SMARCD3: variants seen among roughly 807,000 people sequenced by gnomAD.
SMARCD3 encodes the protein SWI/SNF related BAF chromatin remodeling complex subunit D3.
Under a neutral mutation model 58.0 loss-of-function variants are expected in SMARCD3, and 14 were observed. The ratio of observed to expected loss-of-function variants is 0.24; its 90% confidence interval spans 0.16 to 0.38. SMARCD3 has a LOEUF of 0.38. Ranked by LOEUF, SMARCD3 falls within the 10% of genes least tolerant of loss-of-function variation. The pLI is 1.00. For missense variants in SMARCD3, 408 were observed against 636.9 expected (o/e 0.64, Z 3.87); for synonymous variants, 253 against 253.8 (o/e 1.00, Z 0.03).
chr7:151,261,502 T>TC (rs1035340680), intron 2 of SMARCD3, among the ~76,000 whole-genome samples: 1 of 152,024 alleles, frequency 6.6e-6, no homozygotes, highest in African/African-American at 2.4e-5. Flanking sequence ...AAACTGGGGG[T>TC]CCCTCACGTG....
At position 151,242,023 on chromosome 7, in the gene SMARCD3, G is replaced by C. The variant is rs762669812; in HGVS notation, c.676-45C>G. ...TGTGTCTCCCAAAGGCCCATCTGGA[G>C]TGGTGGGGCCCAGGACTCTAGGGTG... On this transcript the variant is annotated intron_variant, in intron 6 of 12. Coordinates refer to ENST00000262188, the MANE Select transcript of SMARCD3 (RefSeq NM_001003801.2). The surrounding 1 kb of genome is among the most constrained non-coding windows in gnomAD (Gnocchi z 4.7). 11 of 1,568,388 alleles carry C rather than the reference G, an allele frequency of 7.0e-6. No homozygotes were observed. Among genetic ancestry groups the C allele is most frequent in the Non-Finnish European group, 8.8e-6 (10 of 1,140,128 alleles).
chr7:151,272,844 T>C (rs1795222980), intron 2 of SMARCD3, among the ~76,000 whole-genome samples: 1 of 152,172 alleles, frequency 6.6e-6, no homozygotes, highest in African/African-American at 2.4e-5. Context: ...GGCGGTGGCC[T>C]CAGCTTGGCC....
At chr7:151,275,189 GC>G in exon 2 of SMARCD3, 1 of 1,595,700 alleles carries the variant, frequency 6.3e-7, no homozygotes, top group Non-Finnish European at 8.6e-7. Context: ...GTCATCCAGT[GC>G]CCCCTCGGTG....
Position 151,245,380 on chromosome 7 carries a change from C to T in SMARCD3, c.290+80G>A. ...ATTCTTCCTCGCCCCTTCCAATCCC[C>T]GCTACTCGCTTACCTGGTCCCTGCG... is the stretch of plus-strand genomic sequence containing the variant. On this transcript the variant is annotated intron_variant, in intron 2 of 12. Transcript: ENST00000262188. The surrounding 1 kb of genome is among the most constrained non-coding windows in gnomAD (Gnocchi z 6.2). The T allele has an allele frequency of 1.9e-6, 1 of 521,656 alleles. No individual in the cohort carries two copies. The highest frequency in any genetic ancestry group is 2.9e-6 in the Non-Finnish European group (1 of 343,508). The allele number at this position is 521,656 out of a possible 1,614,324, so 32.3% of individuals were successfully genotyped here.
chr7:151,242,656 C>T lies in SMARCD3; in HGVS notation c.457-53G>A, dbSNP rs964183761. 1.9e-6 allele frequency: 3 copies of T among 1,612,412 alleles called. No homozygotes were observed. The Admixed American group carries it at 5.0e-5, about 27-fold the overall frequency. On this transcript the variant is annotated intron_variant, in intron 4 of 12. Coordinates refer to ENST00000262188, the MANE Select transcript of SMARCD3 (RefSeq NM_001003801.2). The surrounding 1 kb of genome is among the most constrained non-coding windows in gnomAD (Gnocchi z 4.7). Reference sequence around the variant, plus strand: ...GAATGCTGTGTGCTCCCACCCCGACCACCCTGCTTCCCCATCCTGGTCACA... The same window carrying T: ...GAATGCTGTGTGCTCCCACCCCGACTACCCTGCTTCCCCATCCTGGTCACA...
intron 2 of SMARCD3, among the ~76,000 whole-genome samples, chr7:151,262,691 C>T (rs1803955447): frequency 6.6e-6 from 1 of 152,166 alleles, no homozygotes; most frequent in Non-Finnish European, 1.5e-5. Flanking sequence ...GGAGGAGGGG[C>T]CCCTAACAGG....
intron 2 of SMARCD3, chr7:151,275,060 G>A (rs996744212): frequency 2.0e-5 from 31 of 1,536,234 alleles, no homozygotes; most frequent in African/African-American, 1.1e-4. Context: ...TGGCCGACTC[G>A]CCATGGGGCC....
rs112223142 is a variant in SMARCD3, at chr7:151,259,601, G to GTTTTTTTTTTTTTT, written c.40-13944_40-13931dup. Reference sequence around the variant, plus strand: ...TGCCAGCTGAGGTTACAACCTGAGAGTTTTTTTTTTTTTTTTTTTTTTTTT... The same window carrying GTTTTTTTTTTTTTT: ...TGCCAGCTGAGGTTACAACCTGAGAGTTTTTTTTTTTTTTTTTTTTTTTTTTTTTTTTTTTTTTT... On this transcript the variant is annotated intron_variant, in intron 2 of 13. Transcript: ENST00000356800. 5.8e-4 allele frequency among the ~76,000 whole-genome samples: 41 copies of GTTTTTTTTTTTTTT among 70,520 alleles called. 2 individuals carry two copies. Among genetic ancestry groups the GTTTTTTTTTTTTTT allele is most frequent in the East Asian group, 1.8e-3 (4 of 2,214 alleles). The allele number at this position is 70,520 out of a possible 152,430, so 46.3% of individuals were successfully genotyped here.
intron 2 of SMARCD3, among the ~76,000 whole-genome samples, chr7:151,271,056 A>G (rs1795159770): frequency 6.6e-6 from 1 of 151,794 alleles, no homozygotes; most frequent in African/African-American, 2.4e-5. Context: ...GAGGGGCCCT[A>G]CTCCCTTGTC....
At chr7:151,264,739 C>T (rs559387291) in intron 2 of SMARCD3, among the ~76,000 whole-genome samples, 3 of 152,300 alleles carry the variant, frequency 2.0e-5, no homozygotes, top group Non-Finnish European at 4.4e-5. Context: ...GTGTTGGCAG[C>T]CAGCATGGGG....
chr7:151,251,332 G>A (rs1803502254), upstream of SMARCD3, among the ~76,000 whole-genome samples: 1 of 152,130 alleles, frequency 6.6e-6, no homozygotes, highest in Non-Finnish European at 1.5e-5. Context: ...ACACACAGCA[G>A]GCACACCAAT....
At chr7:151,275,000 G>T in intron 2 of SMARCD3, 2 of 822,550 alleles carry the variant, frequency 2.4e-6, no homozygotes, top group Non-Finnish European at 4.1e-6. Flanking sequence ...GTCCAGCTGG[G>T]GGCAGAAATG....
chr7:151,259,411 A>G (rs56162610), intron 2 of SMARCD3, among the ~76,000 whole-genome samples: 77,647 of 137,636 alleles, frequency 0.56, 21,610 homozygotes, highest in African/African-American at 0.7. Flanking sequence ...GTGTGTGTGT[A>G]TGTGTGTGTG....
chr7:151,246,615 C>T lies in SMARCD3; in HGVS notation c.79-944G>A, dbSNP rs769290473. On this transcript the variant is annotated intron_variant, in intron 1 of 12. Transcript: ENST00000262188. The surrounding 1 kb of genome is among the most constrained non-coding windows in gnomAD (Gnocchi z 4.4). Reference sequence around the variant, plus strand: ...CCACCTCCTCCTCTTCCCATCCCCACCCCAGTGAGGTCAGCAGTCAGGGTT... The same window carrying T: ...CCACCTCCTCCTCTTCCCATCCCCATCCCAGTGAGGTCAGCAGTCAGGGTT... 6.6e-6 allele frequency among the ~76,000 whole-genome samples: 1 copy of T among 152,162 alleles called. No homozygotes were observed. Among genetic ancestry groups the T allele is most frequent in the Non-Finnish European group, 1.5e-5 (1 of 68,026 alleles).
At position 151,243,720 on chromosome 7, in the gene SMARCD3, A is replaced by G. The variant is rs1338237568; in HGVS notation, c.291-19T>C. Reference sequence around the variant, plus strand: ...CTTGGCACTGTACATTTTTTAAAGAAAAAACCAGGTTACCATGGCGACAGA... The same window carrying G: ...CTTGGCACTGTACATTTTTTAAAGAGAAAACCAGGTTACCATGGCGACAGA... On this transcript the variant is annotated intron_variant, in intron 2 of 12. Transcript: ENST00000262188. This position sits in a 1 kb window ranked among gnomAD's most constrained non-coding sequence, Gnocchi z 4.4. The G allele has an allele frequency of 1.3e-6, 2 of 1,595,694 alleles. No homozygotes were observed. Among genetic ancestry groups the G allele is most frequent in the South Asian group, 1.1e-5 (1 of 90,702 alleles).
At chr7:151,265,237 A>G (rs1584894013) in intron 2 of SMARCD3, among the ~76,000 whole-genome samples, 2 of 152,328 alleles carry the variant, frequency 1.3e-5, no homozygotes, top group South Asian at 2.1e-4. Flanking sequence ...GCCCTCATCC[A>G]ATAGGACTGG....
At chr7:151,262,653 G>A (rs1803954030) in intron 2 of SMARCD3, among the ~76,000 whole-genome samples, 2 of 152,224 alleles carry the variant, frequency 1.3e-5, no homozygotes, top group South Asian at 4.1e-4. Flanking sequence ...TTTGTGCCAG[G>A]TGTGTCCTTA....
chr7:151,248,649 CCT>C lies in SMARCD3; in HGVS notation c.-89_-88del. 6.3e-7 allele frequency: 1 copy of C among 1,579,538 alleles called. No homozygotes were observed. The highest frequency in any genetic ancestry group is 8.6e-7 in the Non-Finnish European group (1 of 1,161,082). ...GCCTTTTTTTTTCCTCCAACTCTCCCCTCTGAGTCCTGCTGGGCTCTCTCACA... is the reference window on the plus strand; with the variant it reads ...GCCTTTTTTTTTCCTCCAACTCTCCCCTGAGTCCTGCTGGGCTCTCTCACA... On this transcript the variant is annotated 5_prime_UTR_variant, in exon 1 of 13. Transcript: ENST00000262188. The surrounding 1 kb of genome is among the most constrained non-coding windows in gnomAD (Gnocchi z 6.1).
At position 151,260,966 on chromosome 7, in the gene SMARCD3, G is replaced by A. The variant is rs539183545; in HGVS notation, c.39+14148C>T. 5.9e-5 allele frequency among the ~76,000 whole-genome samples: 9 copies of A among 152,344 alleles called. No individual in the cohort carries two copies. In the South Asian group the frequency reaches 1.9e-3, roughly 32 times the overall value. On this transcript the variant is annotated intron_variant, in intron 2 of 13. Coordinates refer to the SMARCD3 transcript ENST00000356800. ...CTTGCCGTCCCCACACAGCACACTA[G>A]TAACTCAGCAGACTTTACTCTGGGG...
Sources: allele counts gnomAD v4.1 joint callset (sites outside exome capture counted in the v4.1 genomes callset), GRCh38; gene constraint gnomAD v4.1.1; non-coding constraint Gnocchi (gnomAD v3.1); transcripts MANE v1.5; gene names NCBI Gene and HGNC (gene_info 2026-07-23, HGNC 2026-07-21).